Variants in ENTREP2 observed in about 807,000 individuals in gnomAD.
ENTREP2 encodes the protein endosomal transmembrane epsin interactor 2.
chr15:29,491,743 C>T, the ENTREP2 span, among the ~76,000 whole-genome samples: 89 of 152,196 alleles, frequency 5.8e-4, no homozygotes, highest in Non-Finnish European at 1.2e-3. Context: ...TGGAGATAGC[C>T]AGCATAGGGG....
the ENTREP2 span, among the ~76,000 whole-genome samples, chr15:29,412,212 G>C: frequency 6.6e-6 from 1 of 151,388 alleles, no homozygotes; most frequent in Non-Finnish European, 1.5e-5. Flanking sequence ...TCTCAATATG[G>C]TATATCCCTC....
At chr15:29,471,919 C>T in the ENTREP2 span, among the ~76,000 whole-genome samples, 1 of 152,186 alleles carries the variant, frequency 6.6e-6, no homozygotes, top group East Asian at 1.9e-4. Flanking sequence ...AGTCCACATG[C>T]ACAACTCTCT....
the ENTREP2 span, among the ~76,000 whole-genome samples, chr15:29,161,923 C>T: frequency 3.9e-5 from 6 of 152,032 alleles, no homozygotes; most frequent in East Asian, 1.9e-4. Context: ...CCGAGAGGAC[C>T]GACAGACCTC....
chr15:29,349,113 A>T, the ENTREP2 span, among the ~76,000 whole-genome samples: 7 of 152,182 alleles, frequency 4.6e-5, no homozygotes, highest in Non-Finnish European at 8.8e-5. Context: ...AGACCCCCCG[A>T]AAGTTCACAG....
the ENTREP2 span, among the ~76,000 whole-genome samples, chr15:29,453,976 C>T: frequency 7.4e-4 from 113 of 152,270 alleles, no homozygotes; most frequent in African/African-American, 2.6e-3. Context: ...ATACTGACAT[C>T]TCCGATTTTA....
At chr15:29,653,470 G>A in the ENTREP2 span, among the ~76,000 whole-genome samples, 2 of 152,150 alleles carry the variant, frequency 1.3e-5, no homozygotes, top group Admixed American at 6.5e-5. Context: ...CACATCAAGG[G>A]AGAGACCAGG....
chr15:29,362,626 C>T, the ENTREP2 span, among the ~76,000 whole-genome samples: 1 of 151,994 alleles, frequency 6.6e-6, no homozygotes, highest in South Asian at 2.1e-4. Context: ...ACGCCCGCCT[C>T]GGCCTCCCAA....
the ENTREP2 span, among the ~76,000 whole-genome samples, chr15:29,468,878 T>C: frequency 6.6e-5 from 10 of 152,146 alleles, no homozygotes; most frequent in Middle Eastern, 3.2e-3. Context: ...CAAGCAACTG[T>C]GGAGCTACAA....
chr15:29,190,457 C>T, the ENTREP2 span, among the ~76,000 whole-genome samples: 2 of 152,046 alleles, frequency 1.3e-5, no homozygotes, highest in Non-Finnish European at 2.9e-5. Flanking sequence ...AAAGACAATC[C>T]GAGGGATGAG....
the ENTREP2 span, among the ~76,000 whole-genome samples, chr15:29,599,185 G>T: frequency 6.6e-6 from 1 of 152,234 alleles, no homozygotes; most frequent in African/African-American, 2.4e-5. Context: ...GTGCATCACA[G>T]GACATGTCAG....
the ENTREP2 span, among the ~76,000 whole-genome samples, chr15:29,577,219 A>G: frequency 6.6e-6 from 1 of 152,132 alleles, no homozygotes. Context: ...TGGTGCAGCC[A>G]CTGTGGAAAA....
At chr15:29,162,199 A>G in the ENTREP2 span, among the ~76,000 whole-genome samples, 1 of 152,168 alleles carries the variant, frequency 6.6e-6, no homozygotes, top group Non-Finnish European at 1.5e-5. Flanking sequence ...CCTGCCTGGC[A>G]CCACAGGGAT....
At chr15:29,501,202 T>C in the ENTREP2 span, among the ~76,000 whole-genome samples, 1 of 152,058 alleles carries the variant, frequency 6.6e-6, no homozygotes, top group East Asian at 1.9e-4. Flanking sequence ...TAATTCATTC[T>C]GTGGAAGTGA....
chr15:29,421,092 G>C, the ENTREP2 span, among the ~76,000 whole-genome samples: 1 of 152,182 alleles, frequency 6.6e-6, no homozygotes, highest in Non-Finnish European at 1.5e-5. Context: ...CAACCCAAGA[G>C]AAGAAAATGA....
chr15:29,644,594 G>A, the ENTREP2 span, among the ~76,000 whole-genome samples: 3 of 152,066 alleles, frequency 2.0e-5, no homozygotes, highest in African/African-American at 7.2e-5. Context: ...CCTGAGCTCA[G>A]GAGTTTAAGA....
the ENTREP2 span, among the ~76,000 whole-genome samples, chr15:29,625,687 A>T: frequency 2.6e-5 from 4 of 151,660 alleles, no homozygotes; most frequent in East Asian, 7.8e-4. Flanking sequence ...GAGCCTCCAC[A>T]CCTGGTTGTA....
the ENTREP2 span, among the ~76,000 whole-genome samples, chr15:29,127,125 G>A: frequency 6.6e-6 from 1 of 152,226 alleles, no homozygotes; most frequent in Non-Finnish European, 1.5e-5. Context: ...GAATTCTGAT[G>A]CCCTCCAAAC....
chr15:29,338,001 C>A, the ENTREP2 span, among the ~76,000 whole-genome samples: 1 of 152,172 alleles, frequency 6.6e-6, no homozygotes, highest in Non-Finnish European at 1.5e-5. Context: ...ACAACACCTT[C>A]TTTTTGCAAA....
the ENTREP2 span, among the ~76,000 whole-genome samples, chr15:29,255,247 T>C: frequency 5.6e-4 from 86 of 152,336 alleles, no homozygotes; most frequent in African/African-American, 2.0e-3. Context: ...TGGAGCTTCA[T>C]TGTTTTCAGT....
Sources: allele counts gnomAD v4.1 joint callset (sites outside exome capture counted in the v4.1 genomes callset), GRCh38; gene constraint gnomAD v4.1.1; transcripts MANE v1.5; gene names NCBI Gene and HGNC (gene_info 2026-07-23, HGNC 2026-07-21).